RELCH: variants seen among roughly 807,000 people sequenced by gnomAD.
RELCH encodes the protein RAB11 binding and LisH domain, coiled-coil and HEAT repeat containing, also known as RAB11-binding protein RELCH.
RELCH carries 41 observed loss-of-function variants against 150.3 expected under a neutral mutation model. That is an observed-to-expected ratio of 0.27 (90% confidence interval 0.21 to 0.35). The LOEUF (loss-of-function observed/expected upper bound fraction) is 0.35. RELCH is among the 10% of genes least tolerant of loss of function. The pLI is 1.00. For missense variants in RELCH, 1,092 were observed against 1,467.8 expected, an observed-to-expected ratio of 0.74 and a Z score of 4.18; for synonymous variants, 478 against 531.8, an observed-to-expected ratio of 0.90 and a Z score of 1.39.
chr18:62,191,063 T>G (rs2038597090), intron 1 of RELCH, among the ~76,000 whole-genome samples: 1 of 152,250 alleles, frequency 6.6e-6, no homozygotes, highest in Admixed American at 6.5e-5. Flanking sequence ...TCCTTTTTGG[T>G]TTTATCCCCA....
At chr18:62,222,381 T>C (rs930440150) in intron 5 of RELCH, among the ~76,000 whole-genome samples, 4 of 151,962 alleles carry the variant, frequency 2.6e-5, no homozygotes, top group African/African-American at 9.7e-5. Context: ...AATGCTATAC[T>C]ATGGTTATAG....
At chr18:62,207,108 C>T (rs1026411991) in intron 1 of RELCH, among the ~76,000 whole-genome samples, 1 of 152,046 alleles carries the variant, frequency 6.6e-6, no homozygotes, top group African/African-American at 2.4e-5. Flanking sequence ...TTCATAATCC[C>T]CAAAACAAAT....
chr18:62,262,466 T>G (rs2043323630), intron 16 of RELCH, among the ~76,000 whole-genome samples: 1 of 152,088 alleles, frequency 6.6e-6, no homozygotes, highest in Admixed American at 6.6e-5. Context: ...TCATGTAAAC[T>G]GTAGGCTACC....
At chr18:62,272,562 C>T (rs1366790144) in intron 20 of RELCH, among the ~76,000 whole-genome samples, 2 of 151,994 alleles carry the variant, frequency 1.3e-5, no homozygotes, top group Non-Finnish European at 2.9e-5. Flanking sequence ...ATTGAGGTAG[C>T]AATCACAGAT....
At chr18:62,229,485 G>GGGGT (rs367856972) in intron 8 of RELCH, among the ~76,000 whole-genome samples, 6 of 143,322 alleles carry the variant, frequency 4.2e-5, no homozygotes, top group Non-Finnish European at 7.6e-5. Flanking sequence ...GTATAGTAGG[G>GGGGT]GTGTGTGTGT....
At chr18:62,194,263 C>T (rs1457842817) in intron 1 of RELCH, among the ~76,000 whole-genome samples, 1 of 152,000 alleles carries the variant, frequency 6.6e-6, no homozygotes, top group African/African-American at 2.4e-5. Flanking sequence ...CCCCAAAAAA[C>T]AGTGTGTCTT....
intron 1 of RELCH, among the ~76,000 whole-genome samples, chr18:62,198,704 T>C (rs2039217284): frequency 6.6e-6 from 1 of 152,216 alleles, no homozygotes; most frequent in African/African-American, 2.4e-5. Flanking sequence ...TATTCATTCA[T>C]AGTTATTTAT....
In RELCH at chr18:62,227,034, T is replaced by A. The variant is rs528018356; in HGVS notation, c.859-255T>A. ...AAGACCCCATCTCTACAAAAAAAAA[T>A]TTTTTTTGATTGGTTCGGCACAGTG... On this transcript the variant is annotated intron_variant, in intron 5 of 28. Coordinates refer to ENST00000644646, the MANE Select transcript of RELCH (RefSeq NM_001346231.2). Among the ~76,000 whole-genome samples the A allele has an allele frequency of 1.7e-4, 26 of 151,316 alleles. No homozygotes were observed. In the East Asian group the frequency reaches 3.5e-3, roughly 20 times the overall value.
At chr18:62,288,262 T>TA (rs917511961) in intron 26 of RELCH, among the ~76,000 whole-genome samples, 29 of 152,064 alleles carry the variant, frequency 1.9e-4, no homozygotes, top group Admixed American at 1.9e-3. Flanking sequence ...GGCTAAATGC[T>TA]AAAGTACATG....
intron 1 of RELCH, among the ~76,000 whole-genome samples, chr18:62,189,961 CTA>C (rs1328272968): frequency 1.3e-5 from 2 of 151,426 alleles, no homozygotes; most frequent in African/African-American, 2.4e-5. Flanking sequence ...GTGTTTGTCT[CTA>C]TGTGTGTGTG....
At chr18:62,233,267 T>G (rs2041691967) in intron 10 of RELCH, among the ~76,000 whole-genome samples, 2 of 151,834 alleles carry the variant, frequency 1.3e-5, no homozygotes, top group Non-Finnish European at 1.5e-5. Context: ...CAAAAAAATT[T>G]TATAAAGAAT....
chr18:62,268,362 TC>T (rs918079625), intron 19 of RELCH, among the ~76,000 whole-genome samples: 3 of 152,020 alleles, frequency 2.0e-5, no homozygotes, highest in Non-Finnish European at 4.4e-5. Flanking sequence ...TCCTTCCCCC[TC>T]CATGAAAATA....
intron 27 of RELCH, among the ~76,000 whole-genome samples, chr18:62,294,435 T>C (rs974655537): frequency 5.9e-5 from 9 of 152,210 alleles, no homozygotes; most frequent in African/African-American, 1.9e-4. Flanking sequence ...TTTCTCTAAT[T>C]ACTGTCAAGT....
At chr18:62,222,689 T>C (rs1445724344) in intron 5 of RELCH, among the ~76,000 whole-genome samples, 2 of 151,968 alleles carry the variant, frequency 1.3e-5, no homozygotes, top group African/African-American at 4.8e-5. Context: ...TTTTAGGATA[T>C]AGAAGGCTTG....
At position 62,234,176 on chromosome 18, in the gene RELCH, A is replaced by G. The variant is rs146076039; in HGVS notation, c.1620+1749A>G. 9.9e-5 allele frequency among the ~76,000 whole-genome samples: 15 copies of G among 152,110 alleles called. No individual in the cohort carries two copies. The East Asian group carries it at 2.9e-3, about 29-fold the overall frequency. ...TAAAATCAATCCCTGGGCATAACAG[A>G]ACAAAACATTTTTTCGTTACATCTC... is the stretch of plus-strand genomic sequence containing the variant. On this transcript the variant is annotated intron_variant, in intron 10 of 28. Coordinates refer to ENST00000644646, the MANE Select transcript of RELCH (RefSeq NM_001346231.2).
chr18:62,293,437 G>A (rs1456226883), intron 27 of RELCH, among the ~76,000 whole-genome samples: 1 of 152,110 alleles, frequency 6.6e-6, no homozygotes, highest in African/African-American at 2.4e-5. Flanking sequence ...CCTTCTTCAG[G>A]AAACCTCACT....
At position 62,244,884 on chromosome 18, in the gene RELCH, T is replaced by C; in HGVS notation, c.1733+8T>C. ...GCCAGATGATGAGCAAAGGTGGGTA[T>C]GATTACATATGTGAAAAAGAAATAC... On this transcript the variant is annotated splice_region_variant and intron_variant, in intron 11 of 28. Transcript: ENST00000644646. The C allele has an allele frequency of 1.3e-6, 2 of 1,521,502 alleles. No homozygotes were observed. The highest frequency in any genetic ancestry group is 1.8e-6 in the Non-Finnish European group (2 of 1,095,718). The allele number at this position is 1,521,502 out of a possible 1,614,324, so 94.3% of individuals were successfully genotyped here.
At chr18:62,233,108 T>C (rs1328159843) in intron 10 of RELCH, among the ~76,000 whole-genome samples, 1 of 151,734 alleles carries the variant, frequency 6.6e-6, no homozygotes, top group Non-Finnish European at 1.5e-5. Flanking sequence ...GTTATCTTTA[T>C]TGTTGTTATT....
rs533925080 is a variant in RELCH, at chr18:62,232,366, T to C, written c.1559T>C (p.Met520Thr). Residue 520 changes from methionine to threonine, a missense_variant, in exon 10 of 29, where the codon ATG becomes ACG. Coordinates refer to ENST00000644646, the MANE Select transcript of RELCH (RefSeq NM_001346231.2). ...SRIADSEKSV[M>T]LMLGRCLPHI... ...ATTGCAGACAGTGAAAAAAGCGTTA[T>C]GTTAATGCTGGGACGCTGCCTGCCA... 3.7e-6 allele frequency: 6 copies of C among 1,612,016 alleles called. No individual in the cohort carries two copies. In the East Asian group the frequency reaches 6.7e-5, roughly 18 times the overall value.
Sources: gnomAD v4.1 joint callset for allele counts (sites outside exome capture counted in the v4.1 genomes callset) on GRCh38, gnomAD v4.1.1 for gene constraint, MANE v1.5 for transcripts, NCBI Gene and HGNC (gene_info 2026-07-23, HGNC 2026-07-21) for gene names.